COPS6: variants seen among roughly 807,000 people sequenced by gnomAD.
COPS6 encodes COP9 signalosome complex subunit 6.
COPS6 carries 9 observed loss-of-function variants against 41.0 expected under a neutral mutation model. The observed-to-expected ratio is 0.22, with a 90% confidence interval of 0.13 to 0.38. COPS6 has a LOEUF of 0.38. COPS6 is among the 10% of genes least tolerant of loss of function. The pLI is 1.00. For synonymous variants in COPS6, 179 were observed against 162.9 expected, an observed-to-expected ratio of 1.10 and a Z score of -0.75; for missense variants, 302 against 436.7, an observed-to-expected ratio of 0.69 and a Z score of 2.75.
At position 100,090,626 on chromosome 7, in the gene COPS6, A is replaced by G; in HGVS notation, c.458A>G (p.Lys153Arg). 6.2e-7 allele frequency: 1 copy of G among 1,614,114 alleles called. No homozygotes were observed. Among genetic ancestry groups the G allele is most frequent in the Non-Finnish European group, 8.5e-7 (1 of 1,179,984 alleles). ...ATCATCGAGAGCCCCCTCTTTCTGA[A>G]GTTGAACCCTATGACCAAGCACACA... ...CEIIESPLFL[K>R]LNPMTKHTDL... Residue 153 changes from lysine to arginine, a missense_variant, in exon 5 of 10, where the codon AAG (lysine) becomes AGG (arginine). Lys to Arg is a conservative substitution (Grantham distance 26). This residue lies in a region of COPS6 where 222 missense variants were observed against 309.0 expected (regional missense o/e 0.72). Coordinates refer to ENST00000303904, the MANE Select transcript of COPS6 (RefSeq NM_006833.5).
At chr7:100,089,968 T>TCTAAA (rs1795287889) in intron 3 of COPS6, 2 of 498,882 alleles carry the variant, frequency 4.0e-6, no homozygotes, top group Non-Finnish European at 7.1e-6. Flanking sequence ...GAGTAGTTAT[T>TCTAAA]CTAAACTGAG....
rs188414718 is a variant in COPS6 at position 100,091,594 on chromosome 7, C to T, written c.844-55C>T. On this transcript the variant is annotated intron_variant, in intron 9 of 9. Coordinates refer to ENST00000303904, the MANE Select transcript of COPS6 (RefSeq NM_006833.5). The surrounding 1 kb of genome is among the most constrained non-coding windows in gnomAD (Gnocchi z 4.1). ...ACGTGCAGGACTGGGGACTGTTGTT[C>T]CCCGGGCATGCCACGAGGGATCCCG... 39 of 1,613,788 alleles carry T rather than the reference C, an allele frequency of 2.4e-5. No individual in the cohort carries two copies. The highest frequency in any genetic ancestry group is 3.0e-5 in the Non-Finnish European group (35 of 1,179,764).
intron 4 of COPS6, 31 bp from the exon 5 acceptor site, chr7:100,090,561 T>C (rs145813985): frequency 6.2e-7 from 1 of 1,611,944 alleles, no homozygotes; most frequent in East Asian, 2.2e-5. Context: ...TAGGGGGCAC[T>C]GACTTCCTGT....
In COPS6 at chr7:100,091,412, G is replaced by A. The variant is rs1196951750; in HGVS notation, c.743-8G>A. 3 of 1,613,662 alleles carry A rather than the reference G, an allele frequency of 1.9e-6. No homozygotes were observed. The highest frequency in any genetic ancestry group is 2.7e-5 in the African/African-American group (2 of 74,906). Reference sequence around the variant, plus strand: ...CCAAACTAATGTAGTCTCTTTTTGTGCCTTTAGGAGAGGTCCCCTTTAATC... The same window carrying A: ...CCAAACTAATGTAGTCTCTTTTTGTACCTTTAGGAGAGGTCCCCTTTAATC... On this transcript the variant is annotated splice_region_variant and splice_polypyrimidine_tract_variant and intron_variant, in intron 8 of 9. Coordinates refer to ENST00000303904, the MANE Select transcript of COPS6 (RefSeq NM_006833.5). The surrounding 1 kb of genome is among the most constrained non-coding windows in gnomAD (Gnocchi z 4.1).
rs563614219 is a variant in COPS6 at position 100,091,326 on chromosome 7, A to G, written c.738A>G (p.Glu246=). 6.2e-7 allele frequency: 1 copy of G among 1,614,174 alleles called. No homozygotes were observed. The highest frequency in any genetic ancestry group is 2.2e-5 in the East Asian group (1 of 44,880). ...KLILEYVKAS[E]AGEVPFNHEI... ...TCTTGGAGTACGTCAAGGCCTCTGA[A>G]GCGGGTAGGACAGGGGCTTCCCTGG... Residue 246 remains glutamate (E), a synonymous_variant, in exon 8 of 10, where the codon GAA becomes GAG. Transcript: ENST00000303904. The surrounding 1 kb of genome is among the most constrained non-coding windows in gnomAD (Gnocchi z 4.1).
rs1167813472 is a variant in COPS6 at position 100,090,908 on chromosome 7, G to C, written c.493G>C (p.Val165Leu). Reference sequence around the variant, plus strand: ...TTCTCCGTCTCCTTCACAGCTTCCTGTCAGCGTTTTTGAGTCTGTCATTGA... The same window carrying C: ...TTCTCCGTCTCCTTCACAGCTTCCTCTCAGCGTTTTTGAGTCTGTCATTGA... ...NPMTKHTDLP[V>L]SVFESVIDII... is the part of the protein sequence containing the mutation. The change falls in exon 6 of 10, where the codon GTC becomes CTC. Residue 165 changes from valine (V) to leucine (L), a missense_variant. Coordinates refer to ENST00000303904, the MANE Select transcript of COPS6 (RefSeq NM_006833.5). The C allele has an allele frequency of 6.2e-7, 1 of 1,614,208 alleles. No individual in the cohort carries two copies. The highest frequency in any genetic ancestry group is 8.5e-7 in the Non-Finnish European group (1 of 1,180,038).
Position 100,091,942 on chromosome 7 carries a change from A to G in COPS6, c.*153A>G, listed in dbSNP as rs1245723614. On this transcript the variant is annotated 3_prime_UTR_variant, in exon 10 of 10. Transcript: ENST00000303904. This position sits in a 1 kb window ranked among gnomAD's most constrained non-coding sequence, Gnocchi z 4.1. ...GGCTCTGTCCTCTGTTAGGCACCAC[A>G]CTGGTTGGTCAACTTGGATGTTCAT... 4 of 926,092 alleles carry G rather than the reference A, an allele frequency of 4.3e-6. No homozygotes were observed. The East Asian group carries it at 7.9e-5, about 18-fold the overall frequency. The allele number at this position is 926,092 out of a possible 1,614,324, so 57.4% of individuals were successfully genotyped here. A position where few individuals can be genotyped will look rare whatever the true frequency, so the allele number is the denominator to read the frequency against.
rs1232356894 is a variant in COPS6, at chr7:100,091,870, C to T, written c.*81C>T. 1.1e-5 allele frequency: 17 copies of T among 1,572,504 alleles called. No homozygotes were observed. The highest frequency in any genetic ancestry group is 3.5e-5 in the Admixed American group (2 of 57,738). ...GGCACTACACTTCCTTGAGAGAAAC[C>T]GCTGTCATTAATAAAAGGGGAGCAG... On this transcript the variant is annotated 3_prime_UTR_variant, in exon 10 of 10. Transcript: ENST00000303904. This position sits in a 1 kb window ranked among gnomAD's most constrained non-coding sequence, Gnocchi z 4.1.
Position 100,090,722 on chromosome 7 carries a change from A to T in COPS6, c.486+68A>T, listed in dbSNP as rs1385415554. ...ACCTTTTACTGTGTGACACTCCTCT[A>T]TTGGGGAATGCCAGATGCCACTTAC... On this transcript the variant is annotated intron_variant, in intron 5 of 9. Coordinates refer to ENST00000303904, the MANE Select transcript of COPS6 (RefSeq NM_006833.5). 3.3e-6 allele frequency: 5 copies of T among 1,527,244 alleles called. No homozygotes were observed. The South Asian group carries it at 5.6e-5, about 17-fold the overall frequency. The allele number at this position is 1,527,244 out of a possible 1,614,324, so 94.6% of individuals were successfully genotyped here.
At chr7:100,090,803 C>T (rs888233438) in intron 5 of COPS6, 99 bp from the exon 6 acceptor site, 40 of 1,491,520 alleles carry the variant, frequency 2.7e-5, no homozygotes, top group Non-Finnish European at 3.5e-5. Flanking sequence ...GAGGTAATCC[C>T]TACTTCATTG....
In COPS6 at chr7:100,089,737, G is replaced by C. The variant is rs1795284963; in HGVS notation, c.325G>C (p.Glu109Gln). 2.5e-6 allele frequency: 4 copies of C among 1,613,770 alleles called. No individual in the cohort carries two copies. Among genetic ancestry groups the C allele is most frequent in the Non-Finnish European group, 1.7e-6 (2 of 1,179,936 alleles). ...IIDKEYYYTK[E>Q]EQFKQVFKEL... Reference sequence around the variant, plus strand: ...TGACAAGGAATATTATTACACCAAGGAGGAGCAGTGTGAGAGTGGAATAGA... The same window carrying C: ...TGACAAGGAATATTATTACACCAAGCAGGAGCAGTGTGAGAGTGGAATAGA... Residue 109 changes from glutamate to glutamine, a missense_variant, in exon 3 of 10, where the codon GAG becomes CAG. Glu to Gln is a conservative substitution (Grantham distance 29, BLOSUM62 2). Transcript: ENST00000303904.
In COPS6 at chr7:100,091,254, A is replaced by G. The variant is rs1255127705; in HGVS notation, c.666A>G (p.Ile222Met). 3 of 1,614,088 alleles carry G rather than the reference A, an allele frequency of 1.9e-6. No individual in the cohort carries two copies. Among genetic ancestry groups the G allele is most frequent in the Admixed American group, 1.7e-5 (1 of 60,012 alleles). ...CCCTTGCAGTGGCTGAACACCTGAT[A>G]GCACAGCACAGCGCCATCAAGATGC... is the stretch of plus-strand genomic sequence containing the variant. ...GENSTVAEHL[I>M]AQHSAIKMLH... is the part of the protein sequence containing the mutation. Residue 222 changes from isoleucine to methionine, a missense_variant, in exon 8 of 10, where the codon ATA (isoleucine) becomes ATG (methionine). Physicochemically the swap from Ile to Met is conservative, Grantham distance 10. Coordinates refer to ENST00000303904, the MANE Select transcript of COPS6 (RefSeq NM_006833.5). This position sits in a 1 kb window ranked among gnomAD's most constrained non-coding sequence, Gnocchi z 4.1.
chr7:100,090,763 C>T (rs1795303500), intron 5 of COPS6, 109 bp downstream of exon 5: 1 of 1,448,646 alleles, frequency 6.9e-7, no homozygotes, highest in Non-Finnish European at 9.7e-7. Context: ...GTGACTCTGG[C>T]TTAGTCATTT....
chr7:100,090,594 G>A lies in COPS6; in HGVS notation c.426G>A (p.Val142=), dbSNP rs371629256. ...DPSDIHVHKQ[V]CEIIESPLFL... The stretch of plus-strand genomic sequence containing the variant: ...TGTGCATTGTCCCTCTCTTCCAGGT[G>A]TGTGAGATCATCGAGAGCCCCCTCT... Residue 142 remains valine (V), a splice_region_variant and synonymous_variant, in exon 5 of 10, where the codon GTG becomes GTA. Coordinates refer to ENST00000303904, the MANE Select transcript of COPS6 (RefSeq NM_006833.5). 3 of 1,614,036 alleles carry A rather than the reference G, an allele frequency of 1.9e-6. No individual in the cohort carries two copies. The highest frequency in any genetic ancestry group is 2.2e-5 in the South Asian group (2 of 91,086).
rs778972156 is a variant in COPS6, at chr7:100,089,670, C to T, written c.258C>T (p.Ser86=). 3 of 1,613,950 alleles carry T rather than the reference C, an allele frequency of 1.9e-6. No individual in the cohort carries two copies. Among genetic ancestry groups the T allele is most frequent in the South Asian group, 1.1e-5 (1 of 91,076 alleles). Residue 86 remains serine, a synonymous_variant, in exon 3 of 10, where the codon TCC becomes TCT. Coordinates refer to ENST00000303904, the MANE Select transcript of COPS6 (RefSeq NM_006833.5). The stretch of plus-strand genomic sequence containing the variant: ...GCCGAAATATCGAGGTGATGAACTC[C>T]TTTGAGCTGCTGTCCCACACCGTGG... ...QEGRNIEVMN[S]FELLSHTVEE... is the part of the protein sequence containing the mutation.
intron 3 of COPS6, 48 bp from the exon 4 acceptor site, chr7:100,090,349 GAA>G (rs376860735): frequency 7.2e-3 from 8,145 of 1,132,394 alleles, no homozygotes; most frequent in Non-Finnish European, 7.6e-3. Flanking sequence ...TTCCGTCTCA[GAA>G]AAAAAAAAAA....
Position 100,091,762 on chromosome 7 carries a change from C to T in COPS6, c.957C>T (p.Gly319=). 1.2e-6 allele frequency: 2 copies of T among 1,614,190 alleles called. No homozygotes were observed. Among genetic ancestry groups the T allele is most frequent in the Non-Finnish European group, 1.7e-6 (2 of 1,180,034 alleles). ...FNVLYDRQGI[G]RRMRGLFF ...TCCTCTACGACCGACAAGGCATCGG[C>T]AGGAGAATGCGCGGGCTCTTTTTCT... The change falls in exon 10 of 10, where the codon GGC becomes GGT. Residue 319 remains glycine, a synonymous_variant. Coordinates refer to ENST00000303904, the MANE Select transcript of COPS6 (RefSeq NM_006833.5). The surrounding 1 kb of genome is among the most constrained non-coding windows in gnomAD (Gnocchi z 4.1).
chr7:100,090,591 G>GGT lies in COPS6; in HGVS notation c.429_430dup (p.Glu144ValfsTer10). 1 of 1,614,122 alleles carries GGT rather than the reference G, an allele frequency of 6.2e-7. No homozygotes were observed. The highest frequency in any genetic ancestry group is 8.5e-7 in the Non-Finnish European group (1 of 1,179,974). On this transcript the variant is annotated frameshift_variant and splice_region_variant. Transcript: ENST00000303904. LOFTEE classifies it high-confidence loss of function. The stretch of plus-strand genomic sequence containing the variant: ...TCCTGTGCATTGTCCCTCTCTTCCA[G>GGT]GTGTGTGAGATCATCGAGAGCCCCC...
Position 100,089,727 on chromosome 7 carries a change from T to C in COPS6, c.315T>C (p.Tyr105=). 6.2e-7 allele frequency: 1 copy of C among 1,613,678 alleles called. No homozygotes were observed. The highest frequency in any genetic ancestry group is 8.5e-7 in the Non-Finnish European group (1 of 1,179,898). The change falls in exon 3 of 10, where the codon TAT becomes TAC. Residue 105 remains tyrosine, a synonymous_variant. Transcript: ENST00000303904. Reference sequence around the variant, plus strand: ...AGATTATCATTGACAAGGAATATTATTACACCAAGGAGGAGCAGTGTGAGA... The same window carrying C: ...AGATTATCATTGACAAGGAATATTACTACACCAAGGAGGAGCAGTGTGAGA... ...EEKIIIDKEY[Y]YTKEEQFKQV... is the part of the protein sequence containing the mutation.
Sources: gnomAD v4.1 joint callset for allele counts on GRCh38, gnomAD v4.1.1 for gene constraint, gnomAD v4.1.1 regional missense constraint, Gnocchi (gnomAD v3.1) non-coding constraint, MANE v1.5 for transcripts, NCBI Gene and HGNC (gene_info 2026-07-23, HGNC 2026-07-21) for gene names.